Variants in CPA6 observed in about 807,000 individuals in gnomAD.
CPA6 encodes carboxypeptidase B.
Under a neutral mutation model 63.3 loss-of-function variants are expected in CPA6, and 58 were observed. The ratio of observed to expected loss-of-function variants is 0.92; its 90% CI spans 0.74 to 1.14. The LOEUF is 1.14. CPA6 is among the 50% of genes most tolerant of loss of function. The pLI is 0.00. For missense variants in CPA6, 565 were observed against 526.6 expected (o/e 1.07, Z -0.71); for synonymous variants, 185 against 179.0 (o/e 1.03, Z -0.27).
At chr8:67,471,865 C>A (rs560255281) in intron 8 of CPA6, among the ~76,000 whole-genome samples, 2 of 152,118 alleles carry the variant, frequency 1.3e-5, no homozygotes, top group Non-Finnish European at 2.9e-5. Flanking sequence ...ACATTAGTGA[C>A]CCAGGAGGAA....
At chr8:67,707,158 G>C (rs1180207558) in intron 1 of CPA6, among the ~76,000 whole-genome samples, 1 of 152,088 alleles carries the variant, frequency 6.6e-6, no homozygotes, top group African/African-American at 2.4e-5. Flanking sequence ...GACTCTAACA[G>C]GTGCTCTTAA....
intron 8 of CPA6, among the ~76,000 whole-genome samples, chr8:67,445,166 G>C (rs1382351194): frequency 6.6e-6 from 1 of 152,132 alleles, no homozygotes; most frequent in Non-Finnish European, 1.5e-5. Context: ...GTCTACAAGT[G>C]AAGAAAATAT....
chr8:67,633,095 G>C (rs570417634), intron 1 of CPA6, among the ~76,000 whole-genome samples: 39 of 152,206 alleles, frequency 2.6e-4, no homozygotes, highest in African/African-American at 8.9e-4. Flanking sequence ...GTGTGTAACT[G>C]TATATAAGCT....
At chr8:67,574,006 A>G (rs924073793) in intron 2 of CPA6, among the ~76,000 whole-genome samples, 22 of 151,944 alleles carry the variant, frequency 1.4e-4, no homozygotes, top group African/African-American at 5.1e-4. Context: ...CTGTTAAAAG[A>G]TCTATACTAC....
chr8:67,620,605 C>A lies in CPA6; in HGVS notation c.192+3571G>T, dbSNP rs1302570218. ...CACAGGCTGGAAGATGACACACGGT[C>A]ATATTCTTTTTTCTCTGCAGGCTGC... On this transcript the variant is annotated intron_variant, in intron 2 of 10. Coordinates refer to ENST00000297770, the MANE Select transcript of CPA6 (RefSeq NM_020361.5). Among the ~76,000 whole-genome samples, 8 of 152,306 alleles carry A rather than the reference C, an allele frequency of 5.3e-5. No homozygotes were observed. In the East Asian group the frequency reaches 9.7e-4, roughly 18 times the overall value.
intron 8 of CPA6, among the ~76,000 whole-genome samples, chr8:67,457,201 G>GT (rs1810696073): frequency 6.6e-6 from 1 of 152,200 alleles, no homozygotes; most frequent in Admixed American, 6.5e-5. Flanking sequence ...TTAGCACAGC[G>GT]TAACATTTTT....
At chr8:67,657,277 C>T (rs1816007694) in intron 1 of CPA6, among the ~76,000 whole-genome samples, 1 of 152,180 alleles carries the variant, frequency 6.6e-6, no homozygotes, top group Admixed American at 6.5e-5. Context: ...TTCGTGATTA[C>T]AGCAGACTTG....
chr8:67,693,513 C>G (rs1816853670), intron 1 of CPA6, among the ~76,000 whole-genome samples: 1 of 152,172 alleles, frequency 6.6e-6, no homozygotes, highest in Non-Finnish European at 1.5e-5. Context: ...ATTTCATATG[C>G]TAAAATCCTA....
At chr8:67,615,518 A>G (rs1466403869) in intron 2 of CPA6, among the ~76,000 whole-genome samples, 6 of 90,586 alleles carry the variant, frequency 6.6e-5, no homozygotes, top group African/African-American at 3.3e-4. Context: ...GACCTACATA[A>G]AAAAAAGGAA....
At chr8:67,674,008 C>T (rs1816413480) in intron 1 of CPA6, among the ~76,000 whole-genome samples, 1 of 152,092 alleles carries the variant, frequency 6.6e-6, no homozygotes. Flanking sequence ...TACTATATGC[C>T]ATATTCTGTG....
chr8:67,697,124 C>T (rs1816926485), intron 1 of CPA6, among the ~76,000 whole-genome samples: 1 of 152,278 alleles, frequency 6.6e-6, no homozygotes, highest in South Asian at 2.1e-4. Context: ...CACTGTCAAA[C>T]CCAAGTCCAT....
At chr8:67,431,195 G>A (rs1160739511) in intron 9 of CPA6, among the ~76,000 whole-genome samples, 1 of 151,764 alleles carries the variant, frequency 6.6e-6, no homozygotes, top group East Asian at 1.9e-4. Flanking sequence ...AAGGAAAATA[G>A]GCTTAACTTA....
chr8:67,461,742 G>T lies in CPA6; in HGVS notation c.838+22026C>A, dbSNP rs1467739433. Among the ~76,000 whole-genome samples, 67 of 148,894 alleles carry T rather than the reference G, an allele frequency of 4.5e-4. 1 individual carries two copies. Among genetic ancestry groups the T allele is most frequent in the South Asian group, 2.1e-4 (1 of 4,692 alleles). On this transcript the variant is annotated intron_variant, in intron 8 of 10. Transcript: ENST00000297770. ...GGAGCGGCTGGCCGGGCAGAGGGGC[G>T]CCTCACTTCCTAGTAGGGGCGGCCG...
chr8:67,735,264 T>C (rs186545565), intron 1 of CPA6: 6 of 152,324 alleles, frequency 3.9e-5, no homozygotes, highest in African/African-American at 1.2e-4. Flanking sequence ...AGACACTGCC[T>C]GGCACAGCTA....
At chr8:67,605,414 A>G (rs777956811) in intron 2 of CPA6, among the ~76,000 whole-genome samples, 2 of 152,144 alleles carry the variant, frequency 1.3e-5, no homozygotes, top group Non-Finnish European at 2.9e-5. Flanking sequence ...CATATAACCT[A>G]CACACATTCT....
At chr8:67,556,815 C>T (rs1188240641) in intron 2 of CPA6, among the ~76,000 whole-genome samples, 2 of 152,236 alleles carry the variant, frequency 1.3e-5, no homozygotes, top group Admixed American at 6.5e-5. Context: ...AGCGGCAGCG[C>T]CGAGAGTTTG....
intron 8 of CPA6, among the ~76,000 whole-genome samples, chr8:67,459,525 C>T (rs576277304): frequency 1.6e-3 from 236 of 152,232 alleles, no homozygotes; most frequent in African/African-American, 5.1e-3. Flanking sequence ...AAAAGGTTAC[C>T]TGCTGTGGTT....
chr8:67,652,115 T>C (rs1300491843), intron 1 of CPA6, among the ~76,000 whole-genome samples: 1 of 152,222 alleles, frequency 6.6e-6, no homozygotes. Context: ...GGTGAACATG[T>C]GCCACATTTT....
chr8:67,602,246 T>C (rs955408791), intron 2 of CPA6, among the ~76,000 whole-genome samples: 2 of 152,190 alleles, frequency 1.3e-5, no homozygotes, highest in Non-Finnish European at 2.9e-5. Flanking sequence ...CAGAGGTACA[T>C]ATTTGTGTCT....
Sources: gnomAD v4.1 joint callset for allele counts (sites outside exome capture counted in the v4.1 genomes callset) on GRCh38, gnomAD v4.1.1 for gene constraint, MANE v1.5 for transcripts, NCBI Gene and HGNC (gene_info 2026-07-23, HGNC 2026-07-21) for gene names.